Variants in VPS13C observed in about 807,000 individuals in gnomAD.
VPS13C encodes the protein intermembrane lipid transfer protein VPS13C.
A neutral mutation model predicts 456.8 loss-of-function variants in VPS13C; 358 were observed. The observed-to-expected ratio is 0.78, with a 90% CI of 0.72 to 0.86. VPS13C has a LOEUF of 0.86. VPS13C is among the 40% of genes least tolerant of loss of function. The pLI is 0.00. For missense variants in VPS13C, 4,818 were observed against 4,385.4 expected, an observed-to-expected ratio of 1.10 and a Z score of -2.79; for synonymous variants, 1,578 against 1,486.7, an observed-to-expected ratio of 1.06 and a Z score of -1.41.
intron 49 of VPS13C, 25 bp from the exon 50 acceptor site, chr15:61,931,284 G>C (rs1409065663): frequency 6.3e-7 from 1 of 1,591,674 alleles, no homozygotes; most frequent in Admixed American, 1.8e-5. Context: ...TCAAGCAAAA[G>C]AATCAATTAC....
At chr15:61,942,326 T>C (rs911610724) in intron 45 of VPS13C, among the ~76,000 whole-genome samples, 1 of 151,524 alleles carries the variant, frequency 6.6e-6, no homozygotes, top group Admixed American at 6.6e-5. Context: ...TATAAAATAA[T>C]TGAGAATTAT....
chr15:61,943,926 A>AG (rs2044518194), intron 45 of VPS13C, among the ~76,000 whole-genome samples: 1 of 151,596 alleles, frequency 6.6e-6, no homozygotes, highest in Admixed American at 6.6e-5. Flanking sequence ...AAAAAAAAAA[A>AG]GTGTGAACAA....
At chr15:61,979,623 C>A (rs184463288) in intron 22 of VPS13C, among the ~76,000 whole-genome samples, 1 of 152,232 alleles carries the variant, frequency 6.6e-6, no homozygotes, top group Non-Finnish European at 1.5e-5. Context: ...CATCAATTTG[C>A]GAAGAAAAAC....
rs767543869 is a variant in VPS13C, at chr15:61,981,454, C to A, written c.2054G>T (p.Arg685Leu). ...ATTTATCCTTAAATCAAGGACTTTT[C>A]GAGTTTCAATAATATGTGTAAGTCC... ...ATGLTHIIET[R>L]KVLDLRINLK... Residue 685 changes from arginine to leucine, a missense_variant, in exon 22 of 85, where the codon CGA becomes CTA. Physicochemically the swap from Arg to Leu is moderately radical, Grantham distance 102 (BLOSUM62 -2). Transcript: ENST00000644861. The A allele has an allele frequency of 1.9e-6, 3 of 1,608,304 alleles. No homozygotes were observed. The highest frequency in any genetic ancestry group is 2.5e-6 in the Non-Finnish European group (3 of 1,177,816).
In VPS13C at chr15:61,946,412, T is replaced by C. The variant is rs771121742; in HGVS notation, c.4877-2A>G. 3 of 1,591,070 alleles carry C rather than the reference T, an allele frequency of 1.9e-6. No individual in the cohort carries two copies. The highest frequency in any genetic ancestry group is 1.8e-5 in the Admixed American group (1 of 54,914). ...TCACAGAAATAGAGGCATCCATTCC[T>C]ATAGGAAACATAACATTTATAAACT... On this transcript the variant is annotated splice_acceptor_variant, in intron 43 of 84. Transcript: ENST00000644861. LOFTEE classifies it high-confidence loss of function.
At chr15:61,962,140 A>C (rs968521329) in intron 34 of VPS13C, among the ~76,000 whole-genome samples, 1 of 152,166 alleles carries the variant, frequency 6.6e-6, no homozygotes, top group African/African-American at 2.4e-5. Context: ...TTTTATACTA[A>C]AGAATCTGGC....
intron 10 of VPS13C, among the ~76,000 whole-genome samples, chr15:62,013,535 G>C (rs1263051742): frequency 2.0e-5 from 3 of 151,898 alleles, no homozygotes; most frequent in Non-Finnish European, 4.4e-5. Flanking sequence ...TAGCCCTCTT[G>C]GAGATTCACA....
At chr15:61,975,689 C>T (rs958583331) in intron 24 of VPS13C, among the ~76,000 whole-genome samples, 1 of 152,012 alleles carries the variant, frequency 6.6e-6, no homozygotes, top group Non-Finnish European at 1.5e-5. Context: ...GTGAATTCTA[C>T]CTAGCATTTT....
intron 18 of VPS13C, among the ~76,000 whole-genome samples, chr15:61,985,989 A>T (rs917794695): frequency 1.3e-5 from 2 of 152,052 alleles, no homozygotes; most frequent in Admixed American, 6.6e-5. Flanking sequence ...ATAAGAGTAA[A>T]GGTGAACTGG....
chr15:61,959,992 T>C (rs1475778217), intron 35 of VPS13C, among the ~76,000 whole-genome samples: 2 of 152,168 alleles, frequency 1.3e-5, no homozygotes, highest in African/African-American at 4.8e-5. Flanking sequence ...AGGCATTTCA[T>C]AAAGGTTTTC....
chr15:61,912,515 A>C (rs11637606), intron 62 of VPS13C, among the ~76,000 whole-genome samples: 9,758 of 151,188 alleles, frequency 0.065, 347 homozygotes, highest in Non-Finnish European at 0.081. Flanking sequence ...ATTAAACTCA[A>C]TGTCCTAAAC....
intron 66 of VPS13C, among the ~76,000 whole-genome samples, chr15:61,895,827 G>A (rs1168582503): frequency 6.6e-6 from 1 of 152,038 alleles, no homozygotes; most frequent in African/African-American, 2.4e-5. Flanking sequence ...GGGCGGATAG[G>A]GAAAGATTTC....
At chr15:61,863,053 T>G (rs1043513893) in intron 82 of VPS13C, among the ~76,000 whole-genome samples, 4 of 152,048 alleles carry the variant, frequency 2.6e-5, no homozygotes, top group Non-Finnish European at 5.9e-5. Flanking sequence ...TTAAAAGGGG[T>G]ATGCTAATCA....
At chr15:61,862,340 T>C (rs1894270780) in intron 82 of VPS13C, among the ~76,000 whole-genome samples, 1 of 152,166 alleles carries the variant, frequency 6.6e-6, no homozygotes, top group African/African-American at 2.4e-5. Context: ...TTTTTCAATG[T>C]ACTTGAAGAA....
intron 49 of VPS13C, 25 bp downstream of exon 49, chr15:61,934,194 C>A: frequency 1.3e-6 from 2 of 1,485,092 alleles, no homozygotes; most frequent in South Asian, 1.3e-5. Context: ...GGATTTATTT[C>A]TAATTACAGA....
At chr15:62,006,097 C>G (rs975877666) in intron 15 of VPS13C, among the ~76,000 whole-genome samples, 1 of 120,556 alleles carries the variant, frequency 8.3e-6, no homozygotes, top group Admixed American at 9.5e-5. Flanking sequence ...TAAAGAAATT[C>G]TTATTTTTTT....
chr15:62,002,982 AG>A (rs1471856388), intron 15 of VPS13C, among the ~76,000 whole-genome samples: 1 of 152,162 alleles, frequency 6.6e-6, no homozygotes, highest in Non-Finnish European at 1.5e-5. Context: ...CTTTTGGCTC[AG>A]GATTGACTTG....
chr15:62,035,726 C>T (rs2047973183), intron 3 of VPS13C, among the ~76,000 whole-genome samples: 1 of 151,886 alleles, frequency 6.6e-6, no homozygotes, highest in South Asian at 2.1e-4. Flanking sequence ...AGTTATATTC[C>T]AAATATCTAC....
intron 75 of VPS13C, 71 bp from the exon 76 acceptor site, chr15:61,875,916 AAAG>A: frequency 9.5e-7 from 1 of 1,054,728 alleles, no homozygotes; most frequent in South Asian, 1.7e-5. Context: ...AAATAGAAAA[AAAG>A]AGATTTACTG....
Sources: allele counts gnomAD v4.1 joint callset (sites outside exome capture counted in the v4.1 genomes callset), GRCh38; gene constraint gnomAD v4.1.1; transcripts MANE v1.5; gene names NCBI Gene and HGNC (gene_info 2026-07-23, HGNC 2026-07-21).